The following LRMDA variants were observed in gnomAD, a reference collection of about 807,000 sequenced individuals.
LRMDA encodes the protein leucine rich melanocyte differentiation associated, also known as leucine-rich melanocyte differentiation-associated protein.
A neutral mutation model predicts 29.8 loss-of-function variants in LRMDA; 18 were observed. The ratio of observed to expected loss-of-function variants is 0.60; its 90% confidence interval spans 0.42 to 0.90. The LOEUF is 0.90. LRMDA is among the 40% of genes least tolerant of loss of function. The pLI, the probability that LRMDA is intolerant of heterozygous loss-of-function variation, is 0.00. For missense variants in LRMDA, 273 were observed against 273.9 expected (o/e 1.00, Z 0.02); for synonymous variants, 125 against 109.4 (o/e 1.14, Z -0.89).
At chr10:75,736,458 G>T (rs989871033) in intron 2 of LRMDA, among the ~76,000 whole-genome samples, 1 of 152,146 alleles carries the variant, frequency 6.6e-6, no homozygotes, top group African/African-American at 2.4e-5. Context: ...ATTTACCATT[G>T]TCATGCGGTG....
chr10:76,367,635 G>C (rs1841406630), intron 6 of LRMDA, among the ~76,000 whole-genome samples: 1 of 151,892 alleles, frequency 6.6e-6, no homozygotes, highest in African/African-American at 2.4e-5. Context: ...TGTTCATCAG[G>C]CTGGTCTTGA....
At chr10:75,820,027 A>G (rs546274885) in intron 2 of LRMDA, among the ~76,000 whole-genome samples, 57 of 152,310 alleles carry the variant, frequency 3.7e-4, no homozygotes, top group African/African-American at 1.3e-3. Flanking sequence ...ATAATATTAG[A>G]CCTACAAAAA....
chr10:75,593,472 T>A (rs1160473458), intron 2 of LRMDA, among the ~76,000 whole-genome samples: 1 of 152,252 alleles, frequency 6.6e-6, no homozygotes, highest in Non-Finnish European at 1.5e-5. Context: ...ATGTTGCTGT[T>A]TATTCAGCAA....
chr10:75,599,728 T>G (rs1399811181), intron 2 of LRMDA, among the ~76,000 whole-genome samples: 1 of 152,216 alleles, frequency 6.6e-6, no homozygotes, highest in Non-Finnish European at 1.5e-5. Flanking sequence ...CATATAGATA[T>G]CGAGCACTTC....
chr10:75,551,725 T>C (rs1018955937), intron 2 of LRMDA, among the ~76,000 whole-genome samples: 47 of 151,986 alleles, frequency 3.1e-4, no homozygotes, highest in Non-Finnish European at 1.5e-5. Flanking sequence ...AGTCAGCTAT[T>C]TTTTTTGAGA....
intron 5 of LRMDA, among the ~76,000 whole-genome samples, chr10:76,148,097 T>TG (rs745837016): frequency 6.6e-6 from 1 of 152,168 alleles, no homozygotes; most frequent in East Asian, 1.9e-4. Context: ...CTGCCCCTAC[T>TG]GGGGGGTGCC....
chr10:75,463,962 C>T (rs531463362), intron 2 of LRMDA, among the ~76,000 whole-genome samples: 5 of 151,760 alleles, frequency 3.3e-5, no homozygotes, highest in East Asian at 3.9e-4. Flanking sequence ...CCACTGCGCC[C>T]GGCTAATTTT....
chr10:76,556,891 G>A (rs557293726), intron 6 of LRMDA, among the ~76,000 whole-genome samples: 5 of 152,280 alleles, frequency 3.3e-5, no homozygotes, highest in East Asian at 1.9e-4. Context: ...GGAAACTGGC[G>A]TGAGGAGAGG....
At chr10:76,269,840 TC>T (rs1840046417) in intron 5 of LRMDA, among the ~76,000 whole-genome samples, 1 of 152,214 alleles carries the variant, frequency 6.6e-6, no homozygotes, top group African/African-American at 2.4e-5. Flanking sequence ...GTTAAGTTCC[TC>T]AAGATTACAT....
At chr10:75,870,509 G>A (rs558515827) in intron 2 of LRMDA, among the ~76,000 whole-genome samples, 4 of 152,256 alleles carry the variant, frequency 2.6e-5, no homozygotes, top group South Asian at 2.1e-4. Context: ...TTTGTTGTCC[G>A]GATTCTGGAA....
At chr10:76,408,906 C>T (rs941490912) in intron 6 of LRMDA, among the ~76,000 whole-genome samples, 9 of 152,246 alleles carry the variant, frequency 5.9e-5, no homozygotes, top group African/African-American at 1.7e-4. Flanking sequence ...GCTTCGGAAC[C>T]CTGGGCTTAT....
chr10:76,296,352 G>C (rs2573558), intron 5 of LRMDA, among the ~76,000 whole-genome samples: 72,981 of 152,104 alleles, frequency 0.48, 19,621 homozygotes, highest in Non-Finnish European at 0.63. Flanking sequence ...CAGATGTGCT[G>C]CCACTCCTGC....
At chr10:75,890,029 G>C (rs547983507) in intron 2 of LRMDA, among the ~76,000 whole-genome samples, 4 of 152,260 alleles carry the variant, frequency 2.6e-5, no homozygotes, top group African/African-American at 9.6e-5. Flanking sequence ...CATGTAAGCA[G>C]AAACATGGCC....
chr10:76,284,743 G>T (rs555275860), intron 5 of LRMDA, among the ~76,000 whole-genome samples: 104 of 152,068 alleles, frequency 6.8e-4, no homozygotes, highest in Admixed American at 1.2e-3. Context: ...GGGACCCAGC[G>T]GGAGGTAATT....
chr10:75,454,083 G>A (rs995038878), intron 2 of LRMDA, among the ~76,000 whole-genome samples: 17 of 152,112 alleles, frequency 1.1e-4, no homozygotes, highest in Admixed American at 6.5e-4. Context: ...ACCCAGCAAG[G>A]ACTGCCTGCC....
intron 2 of LRMDA, among the ~76,000 whole-genome samples, chr10:75,850,925 A>C (rs2132310728): frequency 6.6e-6 from 1 of 152,322 alleles, no homozygotes; most frequent in African/African-American, 2.4e-5. Context: ...GAGAGAACAT[A>C]TTGTCTCATG....
At chr10:76,198,710 T>C (rs997879880) in intron 5 of LRMDA, among the ~76,000 whole-genome samples, 4 of 152,224 alleles carry the variant, frequency 2.6e-5, no homozygotes, top group African/African-American at 9.6e-5. Context: ...GAATGAACTA[T>C]CCAGTTGTGA....
At chr10:76,533,518 G>A (rs17467552) in intron 6 of LRMDA, among the ~76,000 whole-genome samples, 60,933 of 152,028 alleles carry the variant, frequency 0.4, 13,140 homozygotes, top group African/African-American at 0.51. Context: ...ACAACTTGCT[G>A]TCATTCAGGA....
chr10:76,137,790 A>C (rs1371721109), intron 5 of LRMDA, among the ~76,000 whole-genome samples: 1 of 150,744 alleles, frequency 6.6e-6, no homozygotes, highest in Non-Finnish European at 1.5e-5. Context: ...AAAAAAACAA[A>C]CAAAAAACCC....
Sources: gnomAD v4.1 joint callset for allele counts (sites outside exome capture counted in the v4.1 genomes callset) on GRCh38, gnomAD v4.1.1 for gene constraint, MANE v1.5 for transcripts, NCBI Gene and HGNC (gene_info 2026-07-23, HGNC 2026-07-21) for gene names.